FHIT: variants seen among roughly 807,000 people sequenced by gnomAD.
FHIT encodes fragile histidine triad diadenosine triphosphatase.
In FHIT, 19 loss-of-function variants were observed where a neutral mutation model predicts 17.9. The ratio of observed to expected loss-of-function variants is 1.06; its 90% CI spans 0.74 to 1.56. The LOEUF (loss-of-function observed/expected upper bound fraction) is 1.56, where lower values mean the gene tolerates loss of function less well. Among genes scored for constraint, FHIT ranks in the 40% most tolerant of loss-of-function variants. FHIT has a pLI of 0.00. For missense variants in FHIT, 248 were observed against 189.2 expected, an observed-to-expected ratio of 1.31 and a Z score of -1.82; for synonymous variants, 81 against 69.7, an observed-to-expected ratio of 1.16 and a Z score of -0.81.
At chr3:60,474,083 C>T (rs964686494) in intron 5 of FHIT, among the ~76,000 whole-genome samples, 1 of 152,060 alleles carries the variant, frequency 6.6e-6, no homozygotes, top group Non-Finnish European at 1.5e-5. Context: ...CATCCTAATA[C>T]CAGCAGTGAC....
At chr3:60,507,987 C>T (rs1227285404) in intron 5 of FHIT, among the ~76,000 whole-genome samples, 1 of 152,138 alleles carries the variant, frequency 6.6e-6, no homozygotes, top group African/African-American at 2.4e-5. Context: ...TGAACATATG[C>T]ATGCATGTGT....
intron 8 of FHIT, among the ~76,000 whole-genome samples, chr3:59,781,051 G>T (rs908868159): frequency 3.9e-5 from 6 of 152,108 alleles, no homozygotes; most frequent in Admixed American, 1.3e-4. Context: ...CTTAAAGAAA[G>T]TCCTCCTTAC....
At chr3:60,258,229 T>A (rs993048574) in intron 5 of FHIT, among the ~76,000 whole-genome samples, 1 of 152,008 alleles carries the variant, frequency 6.6e-6, no homozygotes, top group African/African-American at 2.4e-5. Flanking sequence ...GTGTTGTACA[T>A]CCCATGAAAC....
intron 8 of FHIT, among the ~76,000 whole-genome samples, chr3:59,786,607 C>A (rs1365598989): frequency 1.3e-5 from 2 of 152,194 alleles, no homozygotes; most frequent in Non-Finnish European, 2.9e-5. Flanking sequence ...ATGGAAATTG[C>A]CTGCAAATAC....
At chr3:60,277,580 G>T (rs1435869123) in intron 5 of FHIT, among the ~76,000 whole-genome samples, 1 of 152,114 alleles carries the variant, frequency 6.6e-6, no homozygotes, top group African/African-American at 2.4e-5. Context: ...TCAGGGTAGG[G>T]CATCCAGCTT....
chr3:60,253,369 G>A (rs1468677732), intron 5 of FHIT, among the ~76,000 whole-genome samples: 2 of 152,206 alleles, frequency 1.3e-5, no homozygotes, highest in Admixed American at 6.5e-5. Context: ...CAACTCTGCT[G>A]AACAGCAATT....
intron 4 of FHIT, among the ~76,000 whole-genome samples, chr3:60,744,258 C>CAAAAAAAAAAAAAAAAAAAAAAAAAAAAA (rs371224955): frequency 1.0e-5 from 1 of 95,642 alleles, no homozygotes; most frequent in Admixed American, 1.1e-4. Context: ...AAAAAAAAAA[C>CAAAAAAAAAAAAAAAAAAAAAAAAAAAAA]AAAACAAAAC....
intron 5 of FHIT, among the ~76,000 whole-genome samples, chr3:60,446,349 G>A (rs2031330905): frequency 6.6e-6 from 1 of 152,060 alleles, no homozygotes. Flanking sequence ...ACCAAAGAAG[G>A]TTCATCCTAC....
intron 4 of FHIT, among the ~76,000 whole-genome samples, chr3:60,565,222 A>G (rs76492304): frequency 0.045 from 6,780 of 152,270 alleles, 496 homozygotes; most frequent in African/African-American, 0.15. Flanking sequence ...TTGGGAAACT[A>G]AAATTCACAT....
At chr3:59,887,952 C>T (rs1340542994) in intron 8 of FHIT, among the ~76,000 whole-genome samples, 1 of 152,238 alleles carries the variant, frequency 6.6e-6, no homozygotes, top group African/African-American at 2.4e-5. Flanking sequence ...ATGCAGGGGC[C>T]AAAGTTTAGC....
At chr3:60,908,101 T>A (rs1188610665) in intron 3 of FHIT, among the ~76,000 whole-genome samples, 1 of 152,204 alleles carries the variant, frequency 6.6e-6, no homozygotes, top group Non-Finnish European at 1.5e-5. Context: ...GCAACTGATA[T>A]CTCCTGTGTG....
chr3:61,186,422 T>A (rs2038511522), intron 2 of FHIT, among the ~76,000 whole-genome samples: 1 of 152,162 alleles, frequency 6.6e-6, no homozygotes, highest in African/African-American at 2.4e-5. Context: ...TTCAGATTCT[T>A]TCCCCCAGGA....
At chr3:60,658,886 T>C (rs1352085170) in intron 4 of FHIT, among the ~76,000 whole-genome samples, 1 of 152,056 alleles carries the variant, frequency 6.6e-6, no homozygotes, top group Non-Finnish European at 1.5e-5. Context: ...ACTATTAGTG[T>C]CCTTTCATTT....
intron 4 of FHIT, among the ~76,000 whole-genome samples, chr3:60,631,631 T>A (rs1394109221): frequency 6.6e-6 from 1 of 152,142 alleles, no homozygotes; most frequent in Non-Finnish European, 1.5e-5. Context: ...CCTTCTTTCA[T>A]CTCCGGAGGC....
At chr3:60,736,229 A>T (rs1553712564) in intron 4 of FHIT, among the ~76,000 whole-genome samples, 1 of 152,232 alleles carries the variant, frequency 6.6e-6, no homozygotes, top group Non-Finnish European at 1.5e-5. Context: ...AGCATCTGGC[A>T]GTTCCTTAAA....
intron 5 of FHIT, among the ~76,000 whole-genome samples, chr3:60,113,170 T>A (rs1559643202): frequency 6.6e-6 from 1 of 152,146 alleles, no homozygotes; most frequent in Non-Finnish European, 1.5e-5. Context: ...AATTTACTTA[T>A]TTGCCTGCTC....
chr3:60,739,633 G>C (rs555273790), intron 4 of FHIT, among the ~76,000 whole-genome samples: 1 of 152,296 alleles, frequency 6.6e-6, no homozygotes, highest in South Asian at 2.1e-4. Context: ...CTACCTACAA[G>C]ATGGTAGTAG....
chr3:59,821,624 T>A (rs1258032868), intron 8 of FHIT, among the ~76,000 whole-genome samples: 1 of 152,110 alleles, frequency 6.6e-6, no homozygotes, highest in African/African-American at 2.4e-5. Context: ...CAGTGCAGCA[T>A]TCAATACCAG....
At chr3:60,903,879 A>T (rs1553763882) in intron 3 of FHIT, among the ~76,000 whole-genome samples, 1 of 152,188 alleles carries the variant, frequency 6.6e-6, no homozygotes, top group East Asian at 1.9e-4. Context: ...AATACCCAAA[A>T]TAGTACTGTT....
Sources: allele counts gnomAD v4.1 joint callset (sites outside exome capture counted in the v4.1 genomes callset), GRCh38; gene constraint gnomAD v4.1.1; transcripts MANE v1.5; gene names NCBI Gene and HGNC (gene_info 2026-07-23, HGNC 2026-07-21).